Variants in DAPK1 observed in about 807,000 individuals in gnomAD.
DAPK1 encodes death-associated protein kinase 1.
Under a neutral mutation model 144.9 loss-of-function variants are expected in DAPK1, and 56 were observed. The observed-to-expected ratio is 0.39, with a 90% confidence interval of 0.31 to 0.48. The LOEUF (loss-of-function observed/expected upper bound fraction) is 0.48. DAPK1 is among the 20% of genes least tolerant of loss of function. DAPK1 has a pLI of 0.95. For synonymous variants in DAPK1, 690 were observed against 749.0 expected (o/e 0.92, Z 1.29); for missense variants, 1,454 against 1,875.4 (o/e 0.78, Z 4.15).
At position 87,566,121 on chromosome 9, in the gene DAPK1, C is replaced by T. The variant is rs548867089; in HGVS notation, c.63-38833C>T. ...CTGCAAGCTCCGCCTCCCAGGTTCA[C>T]GCCATTCTCCTGCCTCAGCCTCCCA... On this transcript the variant is annotated intron_variant, in intron 2 of 25. Coordinates refer to ENST00000408954, the MANE Select transcript of DAPK1 (RefSeq NM_004938.4). 6.6e-5 allele frequency among the ~76,000 whole-genome samples: 10 copies of T among 151,492 alleles called. No individual in the cohort carries two copies. The South Asian group carries it at 8.4e-4, about 13-fold the overall frequency.
chr9:87,529,969 A>G (rs1273035067), intron 2 of DAPK1, among the ~76,000 whole-genome samples: 1 of 152,176 alleles, frequency 6.6e-6, no homozygotes, highest in Admixed American at 6.5e-5. Flanking sequence ...CCGCCCGCCC[A>G]AGCTTCTCAG....
chr9:87,657,735 G>A, intron 17 of DAPK1: 1 of 410,330 alleles, frequency 2.4e-6, no homozygotes, highest in Admixed American at 3.8e-5. Flanking sequence ...GATCTTGCTG[G>A]AACTCTGGAC....
intron 3 of DAPK1, among the ~76,000 whole-genome samples, chr9:87,635,319 C>G (rs1461357255): frequency 6.6e-6 from 1 of 152,090 alleles, no homozygotes; most frequent in African/African-American, 2.4e-5. Flanking sequence ...TCACCCCAAC[C>G]AGGCAGCCAA....
intron 5 of DAPK1, 25 bp from the exon 6 acceptor site, chr9:87,639,625 T>TG (rs563983845): frequency 4.9e-4 from 790 of 1,614,064 alleles, no homozygotes; most frequent in Admixed American, 6.2e-4. Flanking sequence ...CCTCCCAAGC[T>TG]AAATGAGTGT....
At chr9:87,579,631 A>G (rs1827682712) in intron 2 of DAPK1, among the ~76,000 whole-genome samples, 1 of 152,206 alleles carries the variant, frequency 6.6e-6, no homozygotes, top group Non-Finnish European at 1.5e-5. Context: ...GGACAAGAGC[A>G]GAAAGAAGAA....
chr9:87,669,626 T>C (rs1333861878), intron 19 of DAPK1, among the ~76,000 whole-genome samples: 1 of 152,118 alleles, frequency 6.6e-6, no homozygotes, highest in Non-Finnish European at 1.5e-5. Flanking sequence ...GAAGATAATG[T>C]CCAAAATATG....
chr9:87,681,293 G>T (rs1587840252), intron 19 of DAPK1, 111 bp from the exon 20 acceptor site: 4 of 675,376 alleles, frequency 5.9e-6, no homozygotes, highest in Non-Finnish European at 7.8e-6. Context: ...AAGAAAAAAA[G>T]AAACATATCT....
chr9:87,613,867 CTT>C (rs557885877), intron 3 of DAPK1, among the ~76,000 whole-genome samples: 1 of 152,172 alleles, frequency 6.6e-6, no homozygotes, highest in African/African-American at 2.4e-5. Context: ...TTTGTTCTCT[CTT>C]TTCTGAGCTC....
intron 2 of DAPK1, among the ~76,000 whole-genome samples, chr9:87,525,951 A>C (rs1490018631): frequency 6.6e-6 from 1 of 152,172 alleles, no homozygotes; most frequent in Non-Finnish European, 1.5e-5. Flanking sequence ...GTAAATATTT[A>C]AAATTTTTGT....
intron 2 of DAPK1, among the ~76,000 whole-genome samples, chr9:87,504,205 T>C (rs937809473): frequency 6.6e-6 from 1 of 152,224 alleles, no homozygotes; most frequent in African/African-American, 2.4e-5. Context: ...TGCTCTCAGA[T>C]GTTTCCTCTG....
At chr9:87,604,906 C>A (rs145257190) in intron 2 of DAPK1, 48 bp from the exon 3 acceptor site, 108 of 1,575,776 alleles carry the variant, frequency 6.9e-5, no homozygotes, top group Non-Finnish European at 8.8e-5. Flanking sequence ...TCACTCAAAT[C>A]CTGTTTTTTT....
At chr9:87,608,079 C>CT (rs541592776) in intron 3 of DAPK1, among the ~76,000 whole-genome samples, 104 of 152,286 alleles carry the variant, frequency 6.8e-4, no homozygotes, top group African/African-American at 2.4e-3. Flanking sequence ...CCTGAGAACT[C>CT]TATCAGGAGA....
At chr9:87,625,513 G>T (rs1829461732) in intron 3 of DAPK1, among the ~76,000 whole-genome samples, 1 of 152,248 alleles carries the variant, frequency 6.6e-6, no homozygotes, top group Admixed American at 6.5e-5. Flanking sequence ...AGGTTCCACT[G>T]TGATGGGCTC....
chr9:87,591,773 C>G (rs36205761), intron 2 of DAPK1, among the ~76,000 whole-genome samples: 5 of 152,322 alleles, frequency 3.3e-5, no homozygotes, highest in Admixed American at 3.3e-4. Context: ...GGAAAGTAAG[C>G]TGCAGATTTT....
At chr9:87,581,974 T>G (rs922424473) in intron 2 of DAPK1, among the ~76,000 whole-genome samples, 2 of 152,216 alleles carry the variant, frequency 1.3e-5, no homozygotes, top group African/African-American at 4.8e-5. Flanking sequence ...ATACAGAGTT[T>G]GGTGCTCTAC....
intron 20 of DAPK1, among the ~76,000 whole-genome samples, chr9:87,683,510 TGA>T (rs941792061): frequency 6.6e-6 from 1 of 151,052 alleles, no homozygotes; most frequent in African/African-American, 2.4e-5. Context: ...GGGTGGGATA[TGA>T]GAGAGAGAGA....
At chr9:87,541,222 G>C (rs1312366667) in intron 2 of DAPK1, among the ~76,000 whole-genome samples, 1 of 152,062 alleles carries the variant, frequency 6.6e-6, no homozygotes, top group Non-Finnish European at 1.5e-5. Flanking sequence ...TGTCCAAACC[G>C]ACTGTAAGTG....
chr9:87,600,246 C>T (rs1450737254), intron 2 of DAPK1, among the ~76,000 whole-genome samples: 1 of 152,186 alleles, frequency 6.6e-6, no homozygotes. Flanking sequence ...CCGTGCATGT[C>T]CACAAGTGAC....
intron 2 of DAPK1, among the ~76,000 whole-genome samples, chr9:87,519,584 T>C (rs1359035526): frequency 6.6e-6 from 1 of 152,212 alleles, no homozygotes. Flanking sequence ...TGGCCCGCTC[T>C]GTCTGCTGCC....
Sources: gnomAD v4.1 joint callset for allele counts (sites outside exome capture counted in the v4.1 genomes callset) on GRCh38, gnomAD v4.1.1 for gene constraint, MANE v1.5 for transcripts, NCBI Gene and HGNC (gene_info 2026-07-23, HGNC 2026-07-21) for gene names.